Variants in AFF3 observed in about 807,000 individuals in gnomAD.
The protein encoded by AFF3 is AF4/FMR2 family member 3.
In AFF3, 32 loss-of-function variants were observed where a neutral mutation model predicts 129.7. The observed-to-expected ratio is 0.25, with a 90% CI of 0.19 to 0.33. The LOEUF is 0.33. Ranked by LOEUF, AFF3 falls within the 10% of genes least tolerant of loss-of-function variation. The pLI is 1.00. For synonymous variants in AFF3, 644 were observed against 635.4 expected, an observed-to-expected ratio of 1.01 and a Z score of -0.20; for missense variants, 1,373 against 1,592.0, an observed-to-expected ratio of 0.86 and a Z score of 2.34.
At chr2:99,767,758 C>G (rs753529641) in intron 8 of AFF3, among the ~76,000 whole-genome samples, 1 of 152,122 alleles carries the variant, frequency 6.6e-6, no homozygotes, top group Non-Finnish European at 1.5e-5. Flanking sequence ...GAGATTGAGA[C>G]CACGGTGAAA....
At chr2:99,936,369 G>C (rs1674526182) in intron 7 of AFF3, among the ~76,000 whole-genome samples, 1 of 152,124 alleles carries the variant, frequency 6.6e-6, no homozygotes, top group Non-Finnish European at 1.5e-5. Context: ...GGCCTGCTTT[G>C]ATGATGGGTT....
chr2:100,085,298 A>T (rs1689333502), intron 4 of AFF3, among the ~76,000 whole-genome samples: 1 of 146,268 alleles, frequency 6.8e-6, no homozygotes, highest in Admixed American at 6.9e-5. Context: ...TGTCCAAGAG[A>T]GTCACGTGAC....
chr2:99,910,676 G>C (rs1293847698), intron 7 of AFF3, among the ~76,000 whole-genome samples: 1 of 152,186 alleles, frequency 6.6e-6, no homozygotes, highest in Non-Finnish European at 1.5e-5. Flanking sequence ...AAAGCCCTTC[G>C]AGTTTCTCTT....
chr2:99,973,957 A>G (rs1258847571), intron 7 of AFF3, among the ~76,000 whole-genome samples: 4 of 152,222 alleles, frequency 2.6e-5, no homozygotes, highest in Non-Finnish European at 5.9e-5. Flanking sequence ...AGCAGCAGAA[A>G]TGCTCATGAA....
chr2:99,725,170 T>G (rs1679264059), intron 11 of AFF3, among the ~76,000 whole-genome samples: 1 of 151,350 alleles, frequency 6.6e-6, no homozygotes, highest in Non-Finnish European at 1.5e-5. Context: ...AGATGGGGTT[T>G]CAGCATGATG....
At chr2:99,984,301 A>T (rs1304001011) in intron 7 of AFF3, among the ~76,000 whole-genome samples, 2 of 152,246 alleles carry the variant, frequency 1.3e-5, no homozygotes, top group African/African-American at 4.8e-5. Context: ...ACAGGAAAGG[A>T]ATCTATGAGC....
At chr2:99,821,279 C>T (rs761129814) in intron 8 of AFF3, among the ~76,000 whole-genome samples, 22 of 152,276 alleles carry the variant, frequency 1.4e-4, no homozygotes, top group South Asian at 4.1e-4. Context: ...CTGGAAGGAT[C>T]TGCCTGAGGC....
chr2:99,851,123 G>A (rs1363481511), intron 7 of AFF3, among the ~76,000 whole-genome samples: 1 of 152,224 alleles, frequency 6.6e-6, no homozygotes, highest in Admixed American at 6.5e-5. Context: ...AAAGGGTTAA[G>A]CTCATTATTG....
chr2:99,570,700 A>G (rs57668619), intron 18 of AFF3, among the ~76,000 whole-genome samples: 4,927 of 152,262 alleles, frequency 0.032, 215 homozygotes, highest in African/African-American at 0.097. Flanking sequence ...CAGATCCCCA[A>G]TAATCTTGCC....
In AFF3 at chr2:99,679,318, A is replaced by T. The variant is rs769490084; in HGVS notation, c.1092-6729T>A. ...CTCTGCCATGTTGAACCTGGGGTGA[A>T]GGTGCACTGTCTCGCTTAAGTTTAT... is the stretch of plus-strand genomic sequence containing the variant. On this transcript the variant is annotated intron_variant, in intron 11 of 24. Coordinates refer to ENST00000672756, the MANE Select transcript of AFF3 (RefSeq NM_001386135.1). Among the ~76,000 whole-genome samples the T allele has an allele frequency of 5.3e-4, 81 of 152,254 alleles. No homozygotes were observed. The Middle Eastern group carries it at 0.01, about 19-fold the overall frequency.
At chr2:99,634,410 G>A (rs572096168) in intron 13 of AFF3, among the ~76,000 whole-genome samples, 6 of 152,160 alleles carry the variant, frequency 3.9e-5, no homozygotes, top group Admixed American at 6.5e-5. Context: ...GAGCCCTTCC[G>A]ATTATTCAGG....
intron 15 of AFF3, among the ~76,000 whole-genome samples, chr2:99,588,799 G>T (rs555500010): frequency 5.9e-5 from 9 of 152,172 alleles, no homozygotes; most frequent in Admixed American, 5.2e-4. Flanking sequence ...TGACAGCCAG[G>T]TCTATGGGGT....
At chr2:99,892,038 G>A (rs553913778) in intron 7 of AFF3, among the ~76,000 whole-genome samples, 86 of 152,216 alleles carry the variant, frequency 5.6e-4, no homozygotes, top group African/African-American at 1.9e-3. Flanking sequence ...TAGCCAGGAT[G>A]GTCTCAATCT....
intron 13 of AFF3, among the ~76,000 whole-genome samples, chr2:99,616,785 C>T (rs895790357): frequency 4.6e-5 from 7 of 152,056 alleles, no homozygotes; most frequent in Non-Finnish European, 7.4e-5. Context: ...TGTACATCAG[C>T]AGTCAATTCC....
chr2:99,766,044 C>T (rs1682981485), intron 8 of AFF3, among the ~76,000 whole-genome samples: 1 of 152,168 alleles, frequency 6.6e-6, no homozygotes, highest in African/African-American at 2.4e-5. Context: ...CAGGCACCAG[C>T]TTGGGTAGTA....
intron 2 of AFF3, among the ~76,000 whole-genome samples, chr2:100,114,383 C>A (rs116161771): frequency 0.019 from 2,896 of 152,218 alleles, 101 homozygotes; most frequent in African/African-American, 0.067. Context: ...GAAGCCAGCC[C>A]TGCACTGTGT....
At chr2:99,598,427 T>A (rs1679500309) in intron 14 of AFF3, among the ~76,000 whole-genome samples, 1 of 152,130 alleles carries the variant, frequency 6.6e-6, no homozygotes, top group Non-Finnish European at 1.5e-5. Flanking sequence ...GAAGCCCACA[T>A]CATGCCACAG....
intron 4 of AFF3, among the ~76,000 whole-genome samples, chr2:100,087,041 A>G (rs1689498554): frequency 6.6e-6 from 1 of 152,162 alleles, no homozygotes; most frequent in Non-Finnish European, 1.5e-5. Context: ...GAGGGATTCT[A>G]TAGAGGCAGA....
At chr2:99,880,045 T>C (rs74532294) in intron 7 of AFF3, among the ~76,000 whole-genome samples, 33 of 152,334 alleles carry the variant, frequency 2.2e-4, no homozygotes, top group Non-Finnish European at 2.9e-4. Flanking sequence ...CCCTGTAGAA[T>C]ATCGATTTGA....
Sources: gnomAD v4.1 joint callset for allele counts (sites outside exome capture counted in the v4.1 genomes callset) on GRCh38, gnomAD v4.1.1 for gene constraint, MANE v1.5 for transcripts, NCBI Gene and HGNC (gene_info 2026-07-23, HGNC 2026-07-21) for gene names.